Variants in CNTLN observed in about 807,000 individuals in gnomAD.
CNTLN encodes centlein, centrosomal protein.
CNTLN carries 212 observed loss-of-function variants against 180.0 expected under a neutral mutation model. The observed-to-expected ratio is 1.18, with a 90% CI of 1.05 to 1.32. The LOEUF (loss-of-function observed/expected upper bound fraction) is 1.32. Ranked by LOEUF, CNTLN falls within the 40% of genes most tolerant of loss-of-function variation. CNTLN has a pLI of 0.00. For missense variants in CNTLN, 2,095 were observed against 1,610.9 expected, an observed-to-expected ratio of 1.30 and a Z score of -5.14; for synonymous variants, 722 against 563.1, an observed-to-expected ratio of 1.28 and a Z score of -3.99.
the CNTLN span, among the ~76,000 whole-genome samples, chr9:17,519,321 T>G: frequency 6.6e-6 from 1 of 151,886 alleles, no homozygotes; most frequent in African/African-American, 2.4e-5. Flanking sequence ...AAAAGTCAGA[T>G]GCATAAAATT....
intron 1 of CNTLN, among the ~76,000 whole-genome samples, chr9:17,136,017 G>A (rs1817692684): frequency 6.6e-6 from 1 of 152,192 alleles, no homozygotes; most frequent in Non-Finnish European, 1.5e-5. Flanking sequence ...CGGTCCTTGA[G>A]TGAGAAATCA....
chr9:17,290,998 C>A (rs576120527), intron 6 of CNTLN, among the ~76,000 whole-genome samples: 1 of 152,072 alleles, frequency 6.6e-6, no homozygotes, highest in African/African-American at 2.4e-5. Context: ...AGCTGTAGAC[C>A]GGAGCTGTTC....
chr9:17,372,443 C>T (rs1824403468), intron 13 of CNTLN, among the ~76,000 whole-genome samples: 1 of 152,022 alleles, frequency 6.6e-6, no homozygotes, highest in South Asian at 2.1e-4. Context: ...TCCAGAGCCT[C>T]AACGGAACTA....
At chr9:17,486,348 T>C (rs577909305) in intron 24 of CNTLN, among the ~76,000 whole-genome samples, 26 of 152,262 alleles carry the variant, frequency 1.7e-4, no homozygotes, top group Non-Finnish European at 2.6e-4. Context: ...AGTCAGTTTT[T>C]TTTTTCGTAA....
At chr9:17,163,233 C>T (rs1359763822) in intron 2 of CNTLN, among the ~76,000 whole-genome samples, 1 of 152,174 alleles carries the variant, frequency 6.6e-6, no homozygotes, top group East Asian at 1.9e-4. Flanking sequence ...CCTCCCACCA[C>T]ATGTGGGGAT....
downstream of CNTLN, among the ~76,000 whole-genome samples, chr9:17,508,302 G>A (rs960172721): frequency 6.6e-6 from 1 of 152,176 alleles, no homozygotes; most frequent in African/African-American, 2.4e-5. Flanking sequence ...AGTAAGCAGA[G>A]TTTTTGAATA....
intron 19 of CNTLN, among the ~76,000 whole-genome samples, chr9:17,461,489 A>G (rs545370794): frequency 1.3e-5 from 2 of 151,738 alleles, no homozygotes; most frequent in Middle Eastern, 3.2e-3. Flanking sequence ...TTGGGTTTTT[A>G]AGAAAAATTA....
At chr9:17,135,596 C>T (rs1322827454) in intron 1 of CNTLN, among the ~76,000 whole-genome samples, 171 bp downstream of exon 1, 1 of 152,182 alleles carries the variant, frequency 6.6e-6, no homozygotes, top group Non-Finnish European at 1.5e-5. Context: ...CGGCTGCGCC[C>T]GGCTCCCCAA....
chr9:17,464,796 A>G (rs1256270762), intron 21 of CNTLN, among the ~76,000 whole-genome samples, 173 bp downstream of exon 21: 1 of 151,118 alleles, frequency 6.6e-6, no homozygotes, highest in Non-Finnish European at 1.5e-5. Context: ...TTAAAATTCA[A>G]TTCTCTAAAA....
chr9:17,165,286 A>C (rs1037566881), intron 2 of CNTLN, among the ~76,000 whole-genome samples: 1 of 152,206 alleles, frequency 6.6e-6, no homozygotes, highest in Non-Finnish European at 1.5e-5. Flanking sequence ...TGATGGGTTA[A>C]GCATAAGTAT....
At chr9:17,148,889 A>T (rs1480097746) in intron 2 of CNTLN, among the ~76,000 whole-genome samples, 2 of 152,142 alleles carry the variant, frequency 1.3e-5, no homozygotes, top group African/African-American at 4.8e-5. Flanking sequence ...TTATGTAGGT[A>T]TACATGTGCC....
chr9:17,393,608 A>C (rs78573233), intron 14 of CNTLN, among the ~76,000 whole-genome samples: 1 of 152,162 alleles, frequency 6.6e-6, no homozygotes, highest in African/African-American at 2.4e-5. Flanking sequence ...GTCTGGAAAG[A>C]TAATTGTTGG....
chr9:17,297,991 A>G (rs189827576), intron 6 of CNTLN, among the ~76,000 whole-genome samples, 199 bp from the exon 7 acceptor site: 1 of 152,168 alleles, frequency 6.6e-6, no homozygotes, highest in Non-Finnish European at 1.5e-5. Flanking sequence ...TTTGAAAGTC[A>G]TAGTCGTTGT....
At chr9:17,478,921 C>A (rs1461085412) in intron 23 of CNTLN, among the ~76,000 whole-genome samples, 1 of 152,098 alleles carries the variant, frequency 6.6e-6, no homozygotes, top group East Asian at 1.9e-4. Context: ...CAGACTTCTC[C>A]AAAACACACA....
chr9:17,359,736 A>ACAAACAAACAAAC (rs1554699479), intron 12 of CNTLN, among the ~76,000 whole-genome samples: 4 of 112,526 alleles, frequency 3.6e-5, no homozygotes, highest in African/African-American at 1.4e-4. Flanking sequence ...AAAAAAAAAA[A>ACAAACAAACAAAC]AAAAAAAAAA....
In CNTLN at chr9:17,296,218, C is replaced by T. The variant is rs141630287; in HGVS notation, c.984-1972C>T. 2.8e-4 allele frequency among the ~76,000 whole-genome samples: 43 copies of T among 151,968 alleles called. 1 individual carries two copies. Among genetic ancestry groups the T allele is most frequent in the African/African-American group, 9.9e-4 (41 of 41,374 alleles). ...GGGTTTCACTATTGGTCAGGCTGGT[C>T]TCGAACTCCTGACCTCAGGTGATCC... On this transcript the variant is annotated intron_variant, in intron 6 of 25. Coordinates refer to ENST00000380647, the MANE Select transcript of CNTLN (RefSeq NM_017738.4).
intron 2 of CNTLN, among the ~76,000 whole-genome samples, chr9:17,178,417 C>T (rs1587018666): frequency 1.3e-5 from 2 of 152,210 alleles, no homozygotes; most frequent in African/African-American, 4.8e-5. Flanking sequence ...GCCCGCACTC[C>T]TCAGCCCTTG....
rs1819235490 is a variant in CNTLN at position 17,312,369 on chromosome 9, T to TATATATA, written c.1341+3118_1341+3124dup. ...TATATATATATATATATATATTATA[T>TATATATA]ATATATATATATATAATTTATTTAT... On this transcript the variant is annotated intron_variant, in intron 8 of 25. Transcript: ENST00000380647. 1.7e-4 allele frequency among the ~76,000 whole-genome samples: 6 copies of TATATATA among 34,386 alleles called. No homozygotes were observed. In the Admixed American group the frequency reaches 1.8e-3, roughly 10 times the overall value. 22.6% of individuals were successfully genotyped at this position (34,386 alleles called of 152,430 possible).
intron 5 of CNTLN, among the ~76,000 whole-genome samples, chr9:17,237,205 T>C (rs1028345353): frequency 2.0e-5 from 3 of 152,086 alleles, no homozygotes; most frequent in Non-Finnish European, 2.9e-5. Flanking sequence ...AATAATACTT[T>C]TTTATGGCAT....
Sources: allele counts gnomAD v4.1 joint callset (sites outside exome capture counted in the v4.1 genomes callset), GRCh38; gene constraint gnomAD v4.1.1; transcripts MANE v1.5; gene names NCBI Gene and HGNC (gene_info 2026-07-23, HGNC 2026-07-21).